The following NKAIN2 variants were observed in gnomAD, a reference collection of about 807,000 sequenced individuals.
NKAIN2 encodes sodium/potassium-transporting ATPase subunit beta-1-interacting protein 2.
NKAIN2 carries 14 observed loss-of-function variants against 32.6 expected under a neutral mutation model. That is an observed-to-expected ratio of 0.43 (90% CI 0.28 to 0.67). The LOEUF is 0.67. Among genes scored for constraint, NKAIN2 ranks in the 30% least tolerant of loss-of-function variants. NKAIN2 has a pLI of 0.17. For missense variants in NKAIN2, 198 were observed against 258.3 expected (o/e 0.77, Z 1.60); for synonymous variants, 80 against 87.2 (o/e 0.92, Z 0.46).
At chr6:124,077,308 T>C (rs927830560) in intron 1 of NKAIN2, among the ~76,000 whole-genome samples, 2 of 152,224 alleles carry the variant, frequency 1.3e-5, no homozygotes, top group African/African-American at 4.8e-5. Context: ...TTTTCATACA[T>C]GTATTTTATT....
intron 4 of NKAIN2, among the ~76,000 whole-genome samples, chr6:124,712,045 C>T (rs1007309563): frequency 6.6e-6 from 1 of 151,798 alleles, no homozygotes; most frequent in Non-Finnish European, 1.5e-5. Flanking sequence ...ACAGCAGGAC[C>T]CTCAGCTGCA....
chr6:124,564,114 C>T (rs538738707), intron 3 of NKAIN2, among the ~76,000 whole-genome samples: 3 of 152,156 alleles, frequency 2.0e-5, no homozygotes, highest in East Asian at 1.9e-4. Flanking sequence ...AGGAAGTGAC[C>T]GGTGAAGCCA....
chr6:124,419,194 AT>A (rs1345344518), intron 3 of NKAIN2, among the ~76,000 whole-genome samples: 2 of 151,692 alleles, frequency 1.3e-5, no homozygotes, highest in African/African-American at 4.8e-5. Flanking sequence ...AATCTACTTT[AT>A]TCTTCTCTAG....
intron 4 of NKAIN2, among the ~76,000 whole-genome samples, chr6:124,702,577 G>C (rs1303185196): frequency 6.6e-6 from 1 of 152,016 alleles, no homozygotes; most frequent in South Asian, 2.1e-4. Flanking sequence ...ACGTAGAGGA[G>C]GGGGAGAAAA....
At chr6:124,554,796 T>G (rs1780414446) in intron 3 of NKAIN2, among the ~76,000 whole-genome samples, 1 of 152,236 alleles carries the variant, frequency 6.6e-6, no homozygotes, top group South Asian at 2.1e-4. Context: ...GAGATGTTTC[T>G]GAGCATCAGG....
intron 4 of NKAIN2, among the ~76,000 whole-genome samples, chr6:124,760,208 C>T (rs1778194812): frequency 6.6e-6 from 1 of 151,962 alleles, no homozygotes; most frequent in South Asian, 2.1e-4. Context: ...GATGAGAACT[C>T]ATGGATACAA....
At chr6:124,633,290 G>A (rs1273365736) in intron 3 of NKAIN2, among the ~76,000 whole-genome samples, 1 of 152,008 alleles carries the variant, frequency 6.6e-6, no homozygotes, top group Admixed American at 6.6e-5. Flanking sequence ...TCCTAATTTT[G>A]TTGTAGCATA....
At chr6:124,738,378 C>T (rs185571898) in intron 4 of NKAIN2, among the ~76,000 whole-genome samples, 211 of 151,722 alleles carry the variant, frequency 1.4e-3, no homozygotes, top group African/African-American at 4.4e-3. Flanking sequence ...TGTCTATGTC[C>T]AAAGAGTGGT....
intron 1 of NKAIN2, among the ~76,000 whole-genome samples, chr6:123,997,718 C>A (rs1439386579): frequency 6.6e-6 from 1 of 151,106 alleles, no homozygotes; most frequent in Non-Finnish European, 1.5e-5. Flanking sequence ...ATTCTCCTGC[C>A]TCAGCCTCCC....
At chr6:124,445,661 A>G (rs1775858997) in intron 3 of NKAIN2, among the ~76,000 whole-genome samples, 1 of 152,106 alleles carries the variant, frequency 6.6e-6, no homozygotes, top group Non-Finnish European at 1.5e-5. Flanking sequence ...TCATGGCAAC[A>G]ATGATATAAT....
In NKAIN2 at chr6:124,525,154, T is replaced by C. The variant is rs1349576273; in HGVS notation, c.274-133032T>C. The stretch of plus-strand genomic sequence containing the variant: ...CTTAGGGAGAGATAGGAAAAAAGAT[T>C]TGAAGGGAGTATATTAATATGAAAG... On this transcript the variant is annotated intron_variant, in intron 3 of 6. Transcript: ENST00000368417. Among the ~76,000 whole-genome samples the C allele has an allele frequency of 2.0e-5, 3 of 152,102 alleles. No individual in the cohort carries two copies. In the East Asian group the frequency reaches 5.8e-4, roughly 29 times the overall value.
chr6:124,380,479 G>A (rs934505356), intron 3 of NKAIN2, among the ~76,000 whole-genome samples: 1 of 152,164 alleles, frequency 6.6e-6, no homozygotes, highest in African/African-American at 2.4e-5. Context: ...AGAATTGAGT[G>A]TGCCATCCAG....
intron 4 of NKAIN2, among the ~76,000 whole-genome samples, chr6:124,746,875 A>T (rs566227588): frequency 6.6e-6 from 1 of 152,026 alleles, no homozygotes; most frequent in African/African-American, 2.4e-5. Context: ...ATTGAACTAG[A>T]TCACCTCCTA....
chr6:124,163,953 C>A lies in NKAIN2; in HGVS notation c.55-119052C>A, dbSNP rs545581902. On this transcript the variant is annotated intron_variant, in intron 1 of 6. Coordinates refer to ENST00000368417, the MANE Select transcript of NKAIN2 (RefSeq NM_001040214.3). ...TAGAGAGCAGGCTGTTATAGACAAC[C>A]CTGAAGTCATTTGAAGTGAACTGAG... Among the ~76,000 whole-genome samples, 4 of 151,948 alleles carry A rather than the reference C, an allele frequency of 2.6e-5. No homozygotes were observed. The East Asian group carries it at 7.7e-4, about 29-fold the overall frequency.
intron 1 of NKAIN2, among the ~76,000 whole-genome samples, chr6:123,824,388 T>C (rs1228997766): frequency 1.3e-5 from 2 of 152,088 alleles, no homozygotes; most frequent in South Asian, 2.1e-4. Context: ...AAGATCTTTC[T>C]GGGAGCTACA....
intron 1 of NKAIN2, among the ~76,000 whole-genome samples, chr6:124,028,232 T>G (rs993181918): frequency 1.3e-5 from 2 of 152,142 alleles, no homozygotes; most frequent in African/African-American, 4.8e-5. Context: ...TGAATGCCAG[T>G]AACAATGTTA....
intron 1 of NKAIN2, among the ~76,000 whole-genome samples, chr6:124,111,221 A>G (rs762859819): frequency 1.2e-4 from 18 of 151,788 alleles, no homozygotes; most frequent in Admixed American, 5.9e-4. Flanking sequence ...TGTCAGGTCC[A>G]TTTTTTCTTT....
chr6:124,502,122 A>G (rs1778316570), intron 3 of NKAIN2, among the ~76,000 whole-genome samples: 1 of 152,040 alleles, frequency 6.6e-6, no homozygotes, highest in South Asian at 2.1e-4. Context: ...ATACAATACA[A>G]TATAATATAA....
intron 3 of NKAIN2, among the ~76,000 whole-genome samples, chr6:124,638,811 A>T (rs1000526341): frequency 4.1e-5 from 6 of 145,680 alleles, no homozygotes; most frequent in Non-Finnish European, 7.5e-5. Context: ...GAATCACTTG[A>T]ACCTGGGAGG....
Sources: gnomAD v4.1 joint callset for allele counts (sites outside exome capture counted in the v4.1 genomes callset) on GRCh38, gnomAD v4.1.1 for gene constraint, MANE v1.5 for transcripts, NCBI Gene and HGNC (gene_info 2026-07-23, HGNC 2026-07-21) for gene names.